Variants in PPIG observed in about 807,000 individuals in gnomAD.
PPIG encodes peptidylprolyl isomerase G.
PPIG carries 26 observed loss-of-function variants against 87.9 expected under a neutral mutation model. The ratio of observed to expected loss-of-function variants is 0.30; its 90% CI spans 0.22 to 0.41. PPIG has a LOEUF of 0.41. PPIG is among the 10% of genes least tolerant of loss of function. The probability of loss-of-function intolerance (pLI) is 1.00; values close to 1 mark genes in which losing one functional copy is unlikely to be tolerated. For synonymous variants in PPIG, 308 were observed against 276.5 expected (o/e 1.11, Z -1.13); for missense variants, 722 against 879.4 (o/e 0.82, Z 2.26).
At chr2:169,598,580 C>T (rs972641576) in intron 1 of PPIG, among the ~76,000 whole-genome samples, 3 of 152,028 alleles carry the variant, frequency 2.0e-5, no homozygotes, top group African/African-American at 7.2e-5. Context: ...CATGAGCCAC[C>T]GCGCCTGGCT....
intron 5 of PPIG, among the ~76,000 whole-genome samples, chr2:169,606,591 C>CA (rs71006009): frequency 6.0e-4 from 51 of 85,022 alleles, no homozygotes; most frequent in African/African-American, 1.0e-3. Flanking sequence ...GACTCTGTCT[C>CA]AAAAAAAAAA....
intron 1 of PPIG, among the ~76,000 whole-genome samples, chr2:169,586,159 G>C (rs1017622507): frequency 2.6e-5 from 4 of 152,020 alleles, no homozygotes; most frequent in African/African-American, 9.7e-5. Context: ...TACATTGTTT[G>C]ACTATTTCTT....
At chr2:169,608,593 A>G in intron 6 of PPIG, 78 bp from the exon 7 acceptor site, 1 of 783,424 alleles carries the variant, frequency 1.3e-6, no homozygotes, top group East Asian at 2.7e-5. Context: ...ATAATACATC[A>G]GATATGAATA....
At chr2:169,602,873 A>G (rs762216820) in intron 1 of PPIG, among the ~76,000 whole-genome samples, 10 of 152,214 alleles carry the variant, frequency 6.6e-5, no homozygotes, top group Non-Finnish European at 1.0e-4. Context: ...TTAGGAGGCT[A>G]TTGGAATAGC....
intron 9 of PPIG, among the ~76,000 whole-genome samples, chr2:169,620,071 C>T (rs1364101417): frequency 6.6e-6 from 1 of 151,966 alleles, no homozygotes; most frequent in South Asian, 2.1e-4. Flanking sequence ...TGTGCAGAAC[C>T]CTGTTAGTTT....
intron 7 of PPIG, among the ~76,000 whole-genome samples, chr2:169,613,595 T>C (rs1277863019): frequency 2.6e-5 from 4 of 152,182 alleles, no homozygotes; most frequent in Non-Finnish European, 5.9e-5. Flanking sequence ...TAATTTTTTT[T>C]CCCAACTCCT....
At chr2:169,621,651 C>T (rs1685755561) in intron 9 of PPIG, among the ~76,000 whole-genome samples, 1 of 151,938 alleles carries the variant, frequency 6.6e-6, no homozygotes, top group Non-Finnish European at 1.5e-5. Context: ...GTTTTTAGTA[C>T]AGTAGGAATA....
chr2:169,634,620 G>A (rs1686138578), intron 12 of PPIG, among the ~76,000 whole-genome samples: 1 of 152,130 alleles, frequency 6.6e-6, no homozygotes, highest in Non-Finnish European at 1.5e-5. Context: ...CACCACCTGT[G>A]CAGTTCCTTC....
In PPIG at chr2:169,630,778, G is replaced by C; in HGVS notation, c.552G>C (p.Lys184Asn). ...CGELIPKSKV[K>N]KEEKKRHKSS... ...ACCTTTTTGTTTTTATTAAAGTTAA[G>C]AAAGAAGAAAAGAAAAGGCATAAAT... is the stretch of plus-strand genomic sequence containing the variant. Residue 184 changes from lysine (K) to asparagine (N), a missense_variant, in exon 10 of 14, where the codon AAG becomes AAC. This residue lies in a region of PPIG where 142 missense variants were observed against 152.8 expected (regional missense o/e 0.93). Transcript: ENST00000260970. 1 of 1,590,090 alleles carries C rather than the reference G, an allele frequency of 6.3e-7. No homozygotes were observed.
chr2:169,584,838 A>G (rs1684654959), intron 1 of PPIG: 1 of 286,720 alleles, frequency 3.5e-6, no homozygotes, highest in Non-Finnish European at 6.7e-6. Context: ...TGCGGCCTGA[A>G]CTCTAGGGAG....
At chr2:169,593,212 G>A (rs1251462138) in intron 1 of PPIG, among the ~76,000 whole-genome samples, 1 of 150,834 alleles carries the variant, frequency 6.6e-6, no homozygotes, top group Non-Finnish European at 1.5e-5. Context: ...TATTTATTTT[G>A]AGACAGAGTC....
At position 169,638,633 on chromosome 2, in the gene PPIG, G is replaced by A. The variant is rs1214237309; in HGVS notation, c.*1110G>A. The A allele has an allele frequency of 6.6e-6, 1 of 151,844 alleles. No homozygotes were observed. The allele number at this position is 151,844 out of a possible 1,614,324, so 9.4% of individuals were successfully genotyped here. On this transcript the variant is annotated 3_prime_UTR_variant, in exon 14 of 14. Transcript: ENST00000260970. ...ATGACTCTGGTTTCTTTCTCTTCAG[G>A]TGGTTTTATACCATTACTGTTAATG...
chr2:169,605,430 G>A (rs2105488640), intron 4 of PPIG, among the ~76,000 whole-genome samples: 1 of 152,120 alleles, frequency 6.6e-6, no homozygotes, highest in South Asian at 2.1e-4. Flanking sequence ...TTGAGCCCAG[G>A]AGGCGGAGGT....
intron 7 of PPIG, among the ~76,000 whole-genome samples, chr2:169,612,670 C>T (rs1488028831): frequency 2.6e-5 from 4 of 152,204 alleles, no homozygotes; most frequent in Non-Finnish European, 2.9e-5. Context: ...ACGTGAGCCA[C>T]TGCACCTGGC....
chr2:169,633,949 C>T (rs960377295), intron 12 of PPIG, among the ~76,000 whole-genome samples: 9 of 151,662 alleles, frequency 5.9e-5, no homozygotes, highest in Non-Finnish European at 7.4e-5. Flanking sequence ...TGCCTCAGCT[C>T]CCCCTAGTAG....
In PPIG at chr2:169,611,440, TTATTAA is replaced by T. The variant is rs976751574; in HGVS notation, c.377+2684_377+2689del. 5.6e-5 allele frequency among the ~76,000 whole-genome samples: 7 copies of T among 123,986 alleles called. No individual in the cohort carries two copies. The Admixed American group carries it at 5.7e-4, about 10-fold the overall frequency. The allele number at this position is 123,986 out of a possible 152,430, so 81.3% of individuals were successfully genotyped here. A position where few individuals can be genotyped will look rare whatever the true frequency, so the allele number is the denominator to read the frequency against. ...ATCTCTTGCTTGAAAGTACTGTGCA[TTATTAA>T]TCTTATTTTGGGACATTTGGTTTGC... On this transcript the variant is annotated intron_variant, in intron 7 of 13. Coordinates refer to ENST00000260970, the MANE Select transcript of PPIG (RefSeq NM_004792.3).
Position 169,638,593 on chromosome 2 carries a change from GGCTATA to G in PPIG, c.*1073_*1078del, listed in dbSNP as rs1202417995. On this transcript the variant is annotated 3_prime_UTR_variant, in exon 14 of 14. Transcript: ENST00000260970. ...TCTTTTCTATATATGTATCACGATA[GGCTATA>G]GCATGTTTATGACTCTGGTTTCTTT... The G allele has an allele frequency of 6.6e-6, 1 of 151,968 alleles. No homozygotes were observed. The highest frequency in any genetic ancestry group is 2.4e-5 in the African/African-American group (1 of 41,420). 9.4% of individuals were successfully genotyped at this position (151,968 alleles called of 1,614,324 possible).
At chr2:169,624,886 A>G (rs776993045) in intron 9 of PPIG, among the ~76,000 whole-genome samples, 95 of 152,284 alleles carry the variant, frequency 6.2e-4, no homozygotes, top group Non-Finnish European at 1.1e-3. Flanking sequence ...CACCGCGCCC[A>G]GCCGGAAGTA....
chr2:169,626,052 T>C (rs1027880265), intron 9 of PPIG, among the ~76,000 whole-genome samples: 1 of 152,208 alleles, frequency 6.6e-6, no homozygotes, highest in African/African-American at 2.4e-5. Context: ...CCAGGGACCA[T>C]GGCTCTTCAT....
Sources: allele counts gnomAD v4.1 joint callset (sites outside exome capture counted in the v4.1 genomes callset), GRCh38; gene constraint gnomAD v4.1.1; regional missense constraint gnomAD v4.1.1; transcripts MANE v1.5; gene names NCBI Gene and HGNC (gene_info 2026-07-23, HGNC 2026-07-21).